The following TPH2 variants were observed in gnomAD, a reference collection of about 807,000 sequenced individuals.
TPH2 encodes the protein tryptophan 5-hydroxylase 2.
In TPH2, 27 loss-of-function variants were observed where a neutral mutation model predicts 59.1. The ratio of observed to expected loss-of-function variants is 0.46; its 90% confidence interval spans 0.34 to 0.63. The LOEUF (loss-of-function observed/expected upper bound fraction) is 0.63. Among genes scored for constraint, TPH2 ranks in the 30% least tolerant of loss-of-function variants. The pLI, the probability that TPH2 is intolerant of heterozygous loss-of-function variation, is 0.01. For synonymous variants in TPH2, 220 were observed against 210.5 expected, an observed-to-expected ratio of 1.05 and a Z score of -0.39; for missense variants, 523 against 588.3, an observed-to-expected ratio of 0.89 and a Z score of 1.15.
chr12:71,955,240 A>G (rs1159170923), intron 5 of TPH2, among the ~76,000 whole-genome samples: 1 of 152,212 alleles, frequency 6.6e-6, no homozygotes, highest in African/African-American at 2.4e-5. Context: ...ATCCCTTAAC[A>G]TTGCTCAGCC....
chr12:71,968,412 C>G (rs1026808011), intron 5 of TPH2, among the ~76,000 whole-genome samples: 1 of 152,182 alleles, frequency 6.6e-6, no homozygotes, highest in Non-Finnish European at 1.5e-5. Context: ...ACATAAATGT[C>G]TAGACTTTGC....
At chr12:72,014,153 T>C (rs1873174977) in intron 8 of TPH2, among the ~76,000 whole-genome samples, 1 of 152,104 alleles carries the variant, frequency 6.6e-6, no homozygotes, top group African/African-American at 2.4e-5. Flanking sequence ...GGCTTCAAGA[T>C]GTGACATGAG....
chr12:71,939,066 A>G lies in TPH2; in HGVS notation c.80A>G (p.Glu27Gly). 6.2e-7 allele frequency: 1 copy of G among 1,614,078 alleles called. No homozygotes were observed. Among genetic ancestry groups the G allele is most frequent in the Non-Finnish European group, 8.5e-7 (1 of 1,180,018 alleles). ...GFSLDSAVPEEHQLLGSSTLN... is the reference protein window; with the variant it reads ...GFSLDSAVPEGHQLLGSSTLN... ...TCCCTGGATTCAGCAGTGCCCGAAGAGCATCAGCTACTTGGCAGCTCAACA... is the reference window on the plus strand; with the variant it reads ...TCCCTGGATTCAGCAGTGCCCGAAGGGCATCAGCTACTTGGCAGCTCAACA... The change falls in exon 1 of 11, where the codon GAG (glutamate) becomes GGG (glycine). Residue 27 changes from glutamate to glycine, a missense_variant. Physicochemically the swap from Glu to Gly is moderately conservative, Grantham distance 98. Transcript: ENST00000333850.
intron 5 of TPH2, among the ~76,000 whole-genome samples, chr12:71,967,615 G>T (rs1206391479): frequency 1.3e-5 from 2 of 152,204 alleles, no homozygotes; most frequent in Admixed American, 1.3e-4. Context: ...TGAGAATGCT[G>T]TAATCCTAAC....
chr12:72,021,585 G>A (rs1873420773), intron 8 of TPH2, among the ~76,000 whole-genome samples: 1 of 152,040 alleles, frequency 6.6e-6, no homozygotes, highest in Non-Finnish European at 1.5e-5. Context: ...TTGCTCAACT[G>A]TAGACTAATG....
chr12:72,030,184 C>T (rs1252338275), intron 9 of TPH2, among the ~76,000 whole-genome samples: 1 of 152,106 alleles, frequency 6.6e-6, no homozygotes, highest in African/African-American at 2.4e-5. Flanking sequence ...CTCTCTGCCT[C>T]TCTCTCCCAA....
intron 8 of TPH2, among the ~76,000 whole-genome samples, chr12:72,020,934 C>A (rs1412226359): frequency 2.0e-5 from 3 of 152,060 alleles, no homozygotes; most frequent in African/African-American, 7.2e-5. Context: ...CAGAGATCAC[C>A]CTCACATCAA....
In TPH2 at chr12:71,960,467, G is replaced by C. The variant is rs1334099239; in HGVS notation, c.608+10812G>C. On this transcript the variant is annotated intron_variant, in intron 5 of 10. Coordinates refer to ENST00000333850, the MANE Select transcript of TPH2 (RefSeq NM_173353.4). The stretch of plus-strand genomic sequence containing the variant: ...TATTTAAAATACTTCAGGCTTTATG[G>C]GAGAATCATTTTCATGCCAAGTGTT... Among the ~76,000 whole-genome samples the C allele has an allele frequency of 2.0e-5, 3 of 152,214 alleles. No homozygotes were observed. In the East Asian group the frequency reaches 5.8e-4, roughly 29 times the overall value.
intron 6 of TPH2, among the ~76,000 whole-genome samples, chr12:71,977,740 A>G (rs1251425114): frequency 6.6e-6 from 1 of 152,210 alleles, no homozygotes; most frequent in Admixed American, 6.5e-5. Flanking sequence ...TCAAGAACCT[A>G]TCGACGATGT....
chr12:72,022,878 C>T (rs1377986665), intron 9 of TPH2, among the ~76,000 whole-genome samples: 1 of 152,212 alleles, frequency 6.6e-6, no homozygotes, highest in African/African-American at 2.4e-5. Flanking sequence ...TCCATCACCT[C>T]CCTGGCTCCT....
chr12:71,977,140 C>T (rs1443679153), intron 6 of TPH2, among the ~76,000 whole-genome samples: 1 of 152,174 alleles, frequency 6.6e-6, no homozygotes, highest in Non-Finnish European at 1.5e-5. Flanking sequence ...CAACCTCCAC[C>T]TCCTAGGCTC....
intron 5 of TPH2, 27 bp downstream of exon 5, chr12:71,949,682 T>C (rs1871291398): frequency 1.3e-6 from 2 of 1,585,356 alleles, no homozygotes; most frequent in East Asian, 4.5e-5. Context: ...CTCTTTCTTG[T>C]CACTGGCTAG....
chr12:72,019,477 C>A (rs1015462544), intron 8 of TPH2, among the ~76,000 whole-genome samples: 13 of 152,176 alleles, frequency 8.5e-5, no homozygotes, highest in African/African-American at 3.1e-4. Flanking sequence ...TGCACAGCTG[C>A]CTTTTTAATT....
At chr12:71,959,062 A>ATT (rs34121208) in intron 5 of TPH2, among the ~76,000 whole-genome samples, 88,876 of 146,636 alleles carry the variant, frequency 0.61, 26,992 homozygotes, top group South Asian at 0.66. Context: ...AGAGAAGGGC[A>ATT]TTTTTTTTTT....
intron 5 of TPH2, among the ~76,000 whole-genome samples, chr12:71,957,412 C>T (rs904266000): frequency 2.1e-5 from 3 of 144,822 alleles, no homozygotes; most frequent in Non-Finnish European, 4.5e-5. Flanking sequence ...TCATGGGTCA[C>T]TGCAGCCTCC....
At chr12:72,017,648 G>T (rs1873296440) in intron 8 of TPH2, among the ~76,000 whole-genome samples, 1 of 152,112 alleles carries the variant, frequency 6.6e-6, no homozygotes, top group Non-Finnish European at 1.5e-5. Context: ...GTTCTTACAA[G>T]TCTCAGCATA....
intron 9 of TPH2, among the ~76,000 whole-genome samples, chr12:72,028,045 C>A (rs768839905): frequency 9.2e-5 from 14 of 152,242 alleles, no homozygotes; most frequent in Admixed American, 7.9e-4. Context: ...AGCCCTGTGC[C>A]CTTGTCTCTA....
rs566911733 is a variant in TPH2 at position 71,948,336 on chromosome 12, G to A, written c.541-1252G>A. On this transcript the variant is annotated intron_variant, in intron 4 of 10. Coordinates refer to ENST00000333850, the MANE Select transcript of TPH2 (RefSeq NM_173353.4). Reference sequence around the variant, plus strand: ...GAAAGTGCTAGTTTCTTGGACAGAGGATACTTCATTTCTACATGGTGTTAA... The same window carrying A: ...GAAAGTGCTAGTTTCTTGGACAGAGAATACTTCATTTCTACATGGTGTTAA... Among the ~76,000 whole-genome samples the A allele has an allele frequency of 2.6e-5, 4 of 152,110 alleles. No homozygotes were observed. The East Asian group carries it at 7.7e-4, about 29-fold the overall frequency.
intron 8 of TPH2, among the ~76,000 whole-genome samples, chr12:72,014,737 T>C (rs907835870): frequency 2.6e-5 from 4 of 152,088 alleles, no homozygotes; most frequent in African/African-American, 7.2e-5. Context: ...AAACAAAGCA[T>C]TGGGGTAGTT....
Sources: allele counts gnomAD v4.1 joint callset (sites outside exome capture counted in the v4.1 genomes callset), GRCh38; gene constraint gnomAD v4.1.1; transcripts MANE v1.5; gene names NCBI Gene and HGNC (gene_info 2026-07-23, HGNC 2026-07-21).